Variants in FCHSD2 observed in about 807,000 individuals in gnomAD.
The protein encoded by FCHSD2 is FCH and double SH3 domains 2, also known as F-BAR and double SH3 domains protein 2.
In FCHSD2, 38 loss-of-function variants were observed where a neutral mutation model predicts 108.1. The ratio of observed to expected loss-of-function variants is 0.35; its 90% CI spans 0.27 to 0.46. The LOEUF (loss-of-function observed/expected upper bound fraction) is 0.46, where lower values mean the gene tolerates loss of function less well. FCHSD2 is among the 20% of genes least tolerant of loss of function. The pLI is 1.00. For synonymous variants in FCHSD2, 279 were observed against 314.7 expected (o/e 0.89, Z 1.20); for missense variants, 751 against 897.8 (o/e 0.84, Z 2.09).
At chr11:73,137,439 A>G (rs1439296633) in intron 2 of FCHSD2, among the ~76,000 whole-genome samples, 2 of 152,230 alleles carry the variant, frequency 1.3e-5, no homozygotes, top group African/African-American at 2.4e-5. Flanking sequence ...ACCAAAGTAT[A>G]TAACACAAGC....
At chr11:72,949,012 C>A (rs1229312873) in intron 8 of FCHSD2, among the ~76,000 whole-genome samples, 2 of 152,078 alleles carry the variant, frequency 1.3e-5, no homozygotes, top group Non-Finnish European at 2.9e-5. Context: ...TTTTCACAGT[C>A]ACTAGTCTTA....
chr11:73,070,756 T>C (rs1859418211), intron 3 of FCHSD2, among the ~76,000 whole-genome samples: 1 of 151,842 alleles, frequency 6.6e-6, no homozygotes, highest in East Asian at 1.9e-4. Flanking sequence ...AAAAAGAAAT[T>C]GAACAAGTTA....
intron 12 of FCHSD2, among the ~76,000 whole-genome samples, chr11:72,881,909 AG>A (rs1420694989): frequency 2.0e-5 from 3 of 152,134 alleles, no homozygotes; most frequent in African/African-American, 7.2e-5. Context: ...TGGGAGGCCG[AG>A]GGGGGCGAAT....
At chr11:72,883,898 CT>C (rs1855141126) in intron 12 of FCHSD2, among the ~76,000 whole-genome samples, 1 of 149,802 alleles carries the variant, frequency 6.7e-6, no homozygotes, top group African/African-American at 2.5e-5. Flanking sequence ...TGCCACTGCA[CT>C]CCAGCCTGGG....
At position 72,840,901 on chromosome 11, in the gene FCHSD2, C is replaced by G. The variant is rs780653733; in HGVS notation, c.2115G>C (p.Glu705Asp). ...CAGGTCGCAGTTTGCCATATGAGGTCTCAGGAGTATGCCTTGATGCCTGTG... is the reference window on the plus strand; with the variant it reads ...CAGGTCGCAGTTTGCCATATGAGGTGTCAGGAGTATGCCTTGATGCCTGTG... ...GFSQASRHTP[E>D]TSYGKLRPVR... The change falls in exon 19 of 20, where the codon GAG becomes GAC. Residue 705 changes from glutamate (E) to aspartate (D), a missense_variant. Transcript: ENST00000409418. 1.2e-6 allele frequency: 2 copies of G among 1,612,922 alleles called. No individual in the cohort carries two copies. The highest frequency in any genetic ancestry group is 2.2e-5 in the South Asian group (2 of 91,062).
intron 9 of FCHSD2, among the ~76,000 whole-genome samples, chr11:72,907,955 G>A (rs949511146): frequency 3.9e-5 from 6 of 152,004 alleles, no homozygotes; most frequent in South Asian, 2.1e-4. Flanking sequence ...TTGTGTCATC[G>A]AATATAGATC....
At chr11:73,011,321 A>C (rs1439868018) in intron 4 of FCHSD2, among the ~76,000 whole-genome samples, 1 of 152,058 alleles carries the variant, frequency 6.6e-6, no homozygotes, top group Non-Finnish European at 1.5e-5. Context: ...GCCACTGGAA[A>C]AGGGAGGGCT....
At chr11:73,020,854 T>C (rs751222407) in intron 3 of FCHSD2, among the ~76,000 whole-genome samples, 15 of 152,044 alleles carry the variant, frequency 9.9e-5, no homozygotes, top group East Asian at 1.9e-4. Flanking sequence ...AAATTAAGTA[T>C]ATATAAGAAA....
At chr11:72,954,831 T>C (rs1477890984) in intron 8 of FCHSD2, among the ~76,000 whole-genome samples, 1 of 152,068 alleles carries the variant, frequency 6.6e-6, no homozygotes, top group Non-Finnish European at 1.5e-5. Context: ...CTTGAAGTAT[T>C]GAACCTGCCA....
intron 3 of FCHSD2, among the ~76,000 whole-genome samples, chr11:73,036,621 T>C (rs1415753770): frequency 6.6e-6 from 1 of 152,220 alleles, no homozygotes; most frequent in African/African-American, 2.4e-5. Flanking sequence ...TTATTAAATG[T>C]AGAATCAAGT....
chr11:72,892,214 T>G (rs2016068397), intron 10 of FCHSD2, among the ~76,000 whole-genome samples: 1 of 152,164 alleles, frequency 6.6e-6, no homozygotes, highest in African/African-American at 2.4e-5. Context: ...CTTACAGAAT[T>G]TATACCTTCT....
intron 8 of FCHSD2, among the ~76,000 whole-genome samples, chr11:72,954,965 C>T (rs2135362986): frequency 6.6e-6 from 1 of 152,190 alleles, no homozygotes; most frequent in Middle Eastern, 3.4e-3. Flanking sequence ...GCTTTTTCTA[C>T]CCTCACTCAC....
chr11:73,065,480 C>T (rs1443863913), intron 3 of FCHSD2, among the ~76,000 whole-genome samples: 1 of 152,144 alleles, frequency 6.6e-6, no homozygotes, highest in East Asian at 1.9e-4. Flanking sequence ...CCCTCCTATT[C>T]AACATAGTAT....
intron 5 of FCHSD2, among the ~76,000 whole-genome samples, chr11:72,991,824 G>C (rs1857421596): frequency 1.3e-5 from 2 of 152,098 alleles, no homozygotes; most frequent in South Asian, 4.1e-4. Context: ...GGCAAAACCT[G>C]GAAGCACTCC....
intron 8 of FCHSD2, among the ~76,000 whole-genome samples, chr11:72,924,582 C>T (rs1856039879): frequency 6.6e-6 from 1 of 151,880 alleles, no homozygotes; most frequent in Non-Finnish European, 1.5e-5. Context: ...ACGCCCCACC[C>T]AGCTATTTTT....
In FCHSD2 at chr11:73,038,099, A is replaced by C. The variant is rs12421489; in HGVS notation, c.166-22214T>G. Reference sequence around the variant, plus strand: ...AAACAAAACCATCTATCACTAAAAAATTCTTATGACGAGGTGGGAAGATTG... The same window carrying C: ...AAACAAAACCATCTATCACTAAAAACTTCTTATGACGAGGTGGGAAGATTG... On this transcript the variant is annotated intron_variant, in intron 3 of 19. Transcript: ENST00000409418. Among the ~76,000 whole-genome samples, 1,446 of 152,314 alleles carry C rather than the reference A, an allele frequency of 9.5e-3. 97 individuals are homozygous for C. The highest frequency in any genetic ancestry group is 0.086 in the Admixed American group (1,317 of 15,292).
In FCHSD2 at chr11:72,893,674, G is replaced by A. The variant is rs576163823; in HGVS notation, c.925-3729C>T. ...GATACAAAAATTAGCTAGGCGTGGTGGCGCCGGAGGTTGCAGTGAGCCAAG... is the reference window on the plus strand; with the variant it reads ...GATACAAAAATTAGCTAGGCGTGGTAGCGCCGGAGGTTGCAGTGAGCCAAG... On this transcript the variant is annotated intron_variant, in intron 10 of 19. Coordinates refer to ENST00000409418, the MANE Select transcript of FCHSD2 (RefSeq NM_014824.3). Among the ~76,000 whole-genome samples the A allele has an allele frequency of 2.0e-4, 31 of 152,016 alleles. No individual in the cohort carries two copies. The Middle Eastern group carries it at 0.01, about 50-fold the overall frequency.
rs538328376 is a variant in FCHSD2 at position 73,087,317 on chromosome 11, A to G, written c.120-3577T>C. 3.1e-3 allele frequency among the ~76,000 whole-genome samples: 467 copies of G among 152,332 alleles called. 1 individual carries two copies. The highest frequency in any genetic ancestry group is 0.011 in the African/African-American group (447 of 41,592). ...CAATATGTGTTTTAAGCTAAATGCTATTTCAAAAGTCAAAAAAGTTTTTTT... is the reference window on the plus strand; with the variant it reads ...CAATATGTGTTTTAAGCTAAATGCTGTTTCAAAAGTCAAAAAAGTTTTTTT... On this transcript the variant is annotated intron_variant, in intron 2 of 19. Coordinates refer to ENST00000409418, the MANE Select transcript of FCHSD2 (RefSeq NM_014824.3).
chr11:73,112,270 A>G (rs1396733022), intron 2 of FCHSD2, among the ~76,000 whole-genome samples: 1 of 152,150 alleles, frequency 6.6e-6, no homozygotes, highest in Non-Finnish European at 1.5e-5. Context: ...ATACCACTCT[A>G]GGGTAAAAGA....
Sources: allele counts gnomAD v4.1 joint callset (sites outside exome capture counted in the v4.1 genomes callset), GRCh38; gene constraint gnomAD v4.1.1; transcripts MANE v1.5; gene names NCBI Gene and HGNC (gene_info 2026-07-23, HGNC 2026-07-21).